The following RFTN1 variants were observed in gnomAD, a reference collection of about 807,000 sequenced individuals.
RFTN1 encodes raftlin.
Under a neutral mutation model 46.5 loss-of-function variants are expected in RFTN1, and 26 were observed. That is an observed-to-expected ratio of 0.56 (90% CI 0.41 to 0.78). RFTN1 has a LOEUF of 0.78. Among genes scored for constraint, RFTN1 ranks in the 30% least tolerant of loss-of-function variants. The probability of loss-of-function intolerance (pLI) is 0.00; values close to 1 mark genes in which losing one functional copy is unlikely to be tolerated. For missense variants in RFTN1, 693 were observed against 718.7 expected (o/e 0.96, Z 0.41); for synonymous variants, 261 against 284.2 (o/e 0.92, Z 0.82).
chr3:16,323,806 G>A (rs1223713372), intron 8 of RFTN1, among the ~76,000 whole-genome samples: 1 of 152,194 alleles, frequency 6.6e-6, no homozygotes, highest in Admixed American at 6.5e-5. Flanking sequence ...TCTGTCTCTG[G>A]TAATGATGGG....
intron 4 of RFTN1, among the ~76,000 whole-genome samples, chr3:16,399,922 G>A (rs926224494): frequency 5.3e-5 from 8 of 152,082 alleles, no homozygotes; most frequent in Admixed American, 3.3e-4. Flanking sequence ...CTACATCTCT[G>A]TCAAGACGCT....
rs1192512914 is a variant in RFTN1, at chr3:16,509,854, A to G, written c.-9+3588T>C. ...GCGCTAGGCTTTTAAGGAGGAGGGAACAGTCCCCAAACACAGTGCAATGTC... is the reference window on the plus strand; with the variant it reads ...GCGCTAGGCTTTTAAGGAGGAGGGAGCAGTCCCCAAACACAGTGCAATGTC... On this transcript the variant is annotated intron_variant, in intron 1 of 9. Coordinates refer to ENST00000334133, the MANE Select transcript of RFTN1 (RefSeq NM_015150.2). This position sits in a 1 kb window ranked among gnomAD's most constrained non-coding sequence, Gnocchi z 4.9. 2.0e-5 allele frequency among the ~76,000 whole-genome samples: 3 copies of G among 152,188 alleles called. No individual in the cohort carries two copies. In the East Asian group the frequency reaches 5.8e-4, roughly 29 times the overall value.
intron 2 of RFTN1, among the ~76,000 whole-genome samples, chr3:16,469,040 C>G (rs2076148847): frequency 6.6e-6 from 1 of 152,240 alleles, no homozygotes; most frequent in African/African-American, 2.4e-5. Context: ...TCCTTGAGTT[C>G]CCGCCTATCC....
intron 1 of RFTN1, among the ~76,000 whole-genome samples, chr3:16,508,290 A>G (rs1212190167): frequency 6.6e-6 from 1 of 152,212 alleles, no homozygotes; most frequent in Non-Finnish European, 1.5e-5. Context: ...CCCCGGAGGC[A>G]GGTCAAATCC....
rs573380263 is a variant in RFTN1 at position 16,400,618 on chromosome 3, G to A, written c.441+8757C>T. Among the ~76,000 whole-genome samples, 5 of 152,174 alleles carry A rather than the reference G, an allele frequency of 3.3e-5. No homozygotes were observed. The highest frequency in any genetic ancestry group is 3.8e-4 in the East Asian group (2 of 5,196). On this transcript the variant is annotated intron_variant, in intron 4 of 9. Coordinates refer to ENST00000334133, the MANE Select transcript of RFTN1 (RefSeq NM_015150.2). This position sits in a 1 kb window ranked among gnomAD's most constrained non-coding sequence, Gnocchi z 4.5. Reference sequence around the variant, plus strand: ...CACTGATGCTGGACAGTAGATTCCCGCAGAGGGAGAAAATGAAGCACAAGA... The same window carrying A: ...CACTGATGCTGGACAGTAGATTCCCACAGAGGGAGAAAATGAAGCACAAGA...
At chr3:16,393,659 T>A (rs1360499296) in intron 4 of RFTN1, among the ~76,000 whole-genome samples, 6 of 136,680 alleles carry the variant, frequency 4.4e-5, no homozygotes, top group Non-Finnish European at 1.5e-5. Flanking sequence ...GACTTTTTTT[T>A]TTTAATTTTT....
intron 6 of RFTN1, among the ~76,000 whole-genome samples, chr3:16,365,469 T>A (rs539432471): frequency 1.3e-5 from 2 of 152,168 alleles, no homozygotes; most frequent in South Asian, 2.1e-4. Context: ...ATTTAAAACA[T>A]GTACATGTGT....
In RFTN1 at chr3:16,473,683, A is replaced by T. The variant is rs2076236668; in HGVS notation, c.145+20042T>A. Among the ~76,000 whole-genome samples, 1 of 152,142 alleles carries T rather than the reference A, an allele frequency of 6.6e-6. No homozygotes were observed. ...TGGCCTCCCAAAGTGCTAAGATTACAGTTGTGAGCCACTGCACCTGGCCAA... is the reference window on the plus strand; with the variant it reads ...TGGCCTCCCAAAGTGCTAAGATTACTGTTGTGAGCCACTGCACCTGGCCAA... On this transcript the variant is annotated intron_variant, in intron 2 of 9. Transcript: ENST00000334133. This position sits in a 1 kb window ranked among gnomAD's most constrained non-coding sequence, Gnocchi z 5.3.
chr3:16,476,940 A>C (rs1411839035), intron 2 of RFTN1, among the ~76,000 whole-genome samples: 1 of 152,210 alleles, frequency 6.6e-6, no homozygotes, highest in Non-Finnish European at 1.5e-5. Flanking sequence ...TTTCTTAGTC[A>C]TAAGGCGGAT....
At position 16,329,562 on chromosome 3, in the gene RFTN1, A is replaced by G. The variant is rs115999149; in HGVS notation, c.1147-2686T>C. On this transcript the variant is annotated intron_variant, in intron 7 of 9. Transcript: ENST00000334133. The surrounding 1 kb of genome is among the most constrained non-coding windows in gnomAD (Gnocchi z 4.5). ...CTGGGCACACGCACACCTCCCTTCC[A>G]GACCAGCACAGCCCGTATTCCTCCT... is the stretch of plus-strand genomic sequence containing the variant. Among the ~76,000 whole-genome samples, 1,070 of 152,250 alleles carry G rather than the reference A, an allele frequency of 7.0e-3. 6 individuals carry two copies. The highest frequency in any genetic ancestry group is 0.012 in the Admixed American group (180 of 15,292).
At chr3:16,404,352 A>T (rs372848595) in intron 4 of RFTN1, among the ~76,000 whole-genome samples, 2 of 15,832 alleles carry the variant, frequency 1.3e-4, no homozygotes, top group Admixed American at 1.0e-3. Context: ...ATAATATATA[A>T]TATATATACA....
intron 4 of RFTN1, among the ~76,000 whole-genome samples, chr3:16,401,754 C>G (rs957984612): frequency 1.3e-5 from 2 of 152,196 alleles, no homozygotes; most frequent in African/African-American, 4.8e-5. Context: ...TGTCTGCTTA[C>G]GCTGAAAAAC....
rs556314691 is a variant in RFTN1, at chr3:16,382,353, T to C, written c.442-4251A>G. Among the ~76,000 whole-genome samples, 1 of 152,298 alleles carries C rather than the reference T, an allele frequency of 6.6e-6. No individual in the cohort carries two copies. Among genetic ancestry groups the C allele is most frequent in the Admixed American group, 6.5e-5 (1 of 15,306 alleles). On this transcript the variant is annotated intron_variant, in intron 4 of 9. Transcript: ENST00000334133. The surrounding 1 kb of genome is among the most constrained non-coding windows in gnomAD (Gnocchi z 4.7). ...TACCCTAGTATAGACACTTTCCTCTTTTTCAGAAAGTCATTTGACCGTGTA... is the reference window on the plus strand; with the variant it reads ...TACCCTAGTATAGACACTTTCCTCTCTTTCAGAAAGTCATTTGACCGTGTA...
rs368607497 is a variant in RFTN1, at chr3:16,357,871, C to G, written c.1146+61G>C. ...GCCACAGCCCCACGGTCAGATCAAG[C>G]AGGCGGATAAAACAAGTGCTGTCTA... On this transcript the variant is annotated intron_variant, in intron 7 of 9. Coordinates refer to ENST00000334133, the MANE Select transcript of RFTN1 (RefSeq NM_015150.2). 4 of 1,038,966 alleles carry G rather than the reference C, an allele frequency of 3.8e-6. No homozygotes were observed. In the Admixed American group the frequency reaches 7.1e-5, roughly 18 times the overall value. The allele number at this position is 1,038,966 out of a possible 1,614,324, so 64.4% of individuals were successfully genotyped here.
rs535932016 is a variant in RFTN1 at position 16,425,358 on chromosome 3, T to C, written c.332+8493A>G. ...AGATTAACAGGAAATTTCAAAGAAA[T>C]TCAGTGCTTGTGCATTTGTTTGGGT... On this transcript the variant is annotated intron_variant, in intron 3 of 9. Transcript: ENST00000334133. The surrounding 1 kb of genome is among the most constrained non-coding windows in gnomAD (Gnocchi z 4.3). Among the ~76,000 whole-genome samples, 4 of 152,206 alleles carry C rather than the reference T, an allele frequency of 2.6e-5. No homozygotes were observed. The highest frequency in any genetic ancestry group is 5.9e-5 in the Non-Finnish European group (4 of 68,036).
At chr3:16,510,882 A>T (rs2125018179) in intron 1 of RFTN1, among the ~76,000 whole-genome samples, 1 of 152,354 alleles carries the variant, frequency 6.6e-6, no homozygotes, top group African/African-American at 2.4e-5. Flanking sequence ...ACTAGAAGAA[A>T]GAAACTAAAA....
chr3:16,404,918 T>C (rs544929975), intron 4 of RFTN1, among the ~76,000 whole-genome samples: 5 of 152,232 alleles, frequency 3.3e-5, no homozygotes, highest in African/African-American at 1.2e-4. Flanking sequence ...AGTTTCCTGG[T>C]GTCTAGAAGG....
At chr3:16,464,665 G>A (rs2076061031) in intron 2 of RFTN1, among the ~76,000 whole-genome samples, 1 of 152,250 alleles carries the variant, frequency 6.6e-6, no homozygotes, top group Non-Finnish European at 1.5e-5. Context: ...GCCAAGTCCA[G>A]CCCACTGCCT....
chr3:16,399,243 G>GA (rs1253208546), intron 4 of RFTN1, among the ~76,000 whole-genome samples: 1 of 151,660 alleles, frequency 6.6e-6, no homozygotes, highest in African/African-American at 2.4e-5. Context: ...GCAAACCCAT[G>GA]AGAAAAAAAA....
Sources: gnomAD v4.1 joint callset for allele counts (sites outside exome capture counted in the v4.1 genomes callset) on GRCh38, gnomAD v4.1.1 for gene constraint, Gnocchi (gnomAD v3.1) non-coding constraint, MANE v1.5 for transcripts, NCBI Gene and HGNC (gene_info 2026-07-23, HGNC 2026-07-21) for gene names.